WDR3: variants seen among roughly 807,000 people sequenced by gnomAD.
WDR3 encodes WD repeat domain 3.
Under a neutral mutation model 123.7 loss-of-function variants are expected in WDR3, and 81 were observed. The observed-to-expected ratio is 0.65, with a 90% CI of 0.55 to 0.79. The LOEUF (loss-of-function observed/expected upper bound fraction) is 0.79. WDR3 is among the 30% of genes least tolerant of loss of function. The probability of loss-of-function intolerance (pLI) is 0.00; values close to 1 mark genes in which losing one functional copy is unlikely to be tolerated. For missense variants in WDR3, 1,027 were observed against 1,123.2 expected (o/e 0.91, Z 1.22); for synonymous variants, 390 against 388.8 (o/e 1.00, Z -0.04).
At chr1:117,955,280 G>A in intron 23 of WDR3, 35 bp from the exon 24 acceptor site, 1 of 1,571,472 alleles carries the variant, frequency 6.4e-7, no homozygotes, top group Non-Finnish European at 8.7e-7. Context: ...AACCAACCAA[G>A]AGTATCACTA....
chr1:117,952,985 G>C lies in WDR3; in HGVS notation c.2191G>C (p.Asp731His). 1.9e-6 allele frequency: 3 copies of C among 1,613,076 alleles called. No individual in the cohort carries two copies. Among genetic ancestry groups the C allele is most frequent in the Non-Finnish European group, 2.5e-6 (3 of 1,179,340 alleles). ...AEYEESVAKEDQPAVPGETQG... is the reference protein window; with the variant it reads ...AEYEESVAKEHQPAVPGETQG... ...ATATGAGGAGAGTGTGGCCAAAGAA[G>C]ACCAACCAGCAGTAAGTAAATTTTG... is the stretch of plus-strand genomic sequence containing the variant. The change falls in exon 20 of 27, where the codon GAC becomes CAC. Residue 731 changes from aspartate (D) to histidine (H), a missense_variant. Asp to His is a moderately conservative substitution (Grantham distance 81). Coordinates refer to ENST00000349139, the MANE Select transcript of WDR3 (RefSeq NM_006784.3).
intron 15 of WDR3, among the ~76,000 whole-genome samples, chr1:117,950,626 A>G (rs1651575466): frequency 6.6e-6 from 1 of 152,168 alleles, no homozygotes; most frequent in Non-Finnish European, 1.5e-5. Context: ...CCTTGCCTCC[A>G]CTATACTGCA....
In WDR3 at chr1:117,936,892, A is replaced by T; in HGVS notation, c.500+5A>T. 6.2e-7 allele frequency: 1 copy of T among 1,602,458 alleles called. No homozygotes were observed. Among genetic ancestry groups the T allele is most frequent in the South Asian group, 1.1e-5 (1 of 89,540 alleles). ...AAAGAACCTGCTAGTTACTAGGTAA[A>T]GAAATAATGGTTTAATTTCCAGTTA... On this transcript the variant is annotated splice_donor_5th_base_variant and intron_variant, in intron 4 of 26. Transcript: ENST00000349139.
At chr1:117,955,919 C>A (rs1051900726) in intron 24 of WDR3, among the ~76,000 whole-genome samples, 1 of 152,122 alleles carries the variant, frequency 6.6e-6, no homozygotes, top group Non-Finnish European at 1.5e-5. Flanking sequence ...TCTTAAGAGT[C>A]CTAGCAGCCT....
chr1:117,935,164 A>C (rs1362702702), intron 3 of WDR3, among the ~76,000 whole-genome samples: 1 of 152,224 alleles, frequency 6.6e-6, no homozygotes, highest in Non-Finnish European at 1.5e-5. Context: ...TTATAGAGAT[A>C]TAATCCATGT....
rs190069748 is a variant in WDR3, at chr1:117,949,695, A to G, written c.1525-56A>G. 7 of 1,566,094 alleles carry G rather than the reference A, an allele frequency of 4.5e-6. No homozygotes were observed. The East Asian group carries it at 1.6e-4, about 35-fold the overall frequency. ...TCTTAGACTTTTAAAATGTATCTTC[A>G]TAGCAAAGTTTTTATGCTAAAATAG... is the stretch of plus-strand genomic sequence containing the variant. On this transcript the variant is annotated intron_variant, in intron 13 of 26. Transcript: ENST00000349139.
intron 24 of WDR3, 150 bp from the exon 25 acceptor site, chr1:117,956,918 A>G (rs367579371): frequency 5.2e-6 from 3 of 578,518 alleles, no homozygotes; most frequent in African/African-American, 1.9e-5. Context: ...AAAGAGAGTC[A>G]TCTAGCTTAC....
chr1:117,963,669 A>G lies in WDR3; in HGVS notation c.*4222A>G, dbSNP rs1653416668. On this transcript the variant is annotated 3_prime_UTR_variant, in exon 27 of 27. Transcript: ENST00000349139. ...GTGAGCCACCGGGCCCGGCCTAAAC[A>G]AATATTTTCATTCATTCAGGCCAGG... The G allele has an allele frequency of 3.4e-6, 3 of 877,314 alleles. No individual in the cohort carries two copies. Among genetic ancestry groups the G allele is most frequent in the Admixed American group, 2.9e-5 (1 of 34,138 alleles). 54.3% of individuals were successfully genotyped at this position (877,314 alleles called of 1,614,324 possible). A position where few individuals can be genotyped will look rare whatever the true frequency, so the allele number is the denominator to read the frequency against.
At chr1:117,932,931 A>T (rs1571007056) in intron 1 of WDR3, among the ~76,000 whole-genome samples, 1 of 152,068 alleles carries the variant, frequency 6.6e-6, no homozygotes, top group East Asian at 1.9e-4. Context: ...GCAGTGGCTA[A>T]CACCTGTAAT....
rs1204527598 is a variant in WDR3 at position 117,952,512 on chromosome 1, T to TA, written c.2017-16_2017-15insA. ...TCAATGAATGAGGTATTCTTTATTT[T>TA]TTTTTTCTCCTCCAGGGTCATCACC... On this transcript the variant is annotated splice_polypyrimidine_tract_variant and intron_variant, in intron 18 of 26. Transcript: ENST00000349139. The TA allele has an allele frequency of 3.6e-5, 57 of 1,597,322 alleles. No homozygotes were observed. Among genetic ancestry groups the TA allele is most frequent in the Non-Finnish European group, 4.8e-5 (56 of 1,175,002 alleles).
Position 117,952,071 on chromosome 1 carries a change from T to G in WDR3, c.1899T>G (p.Asp633Glu), listed in dbSNP as rs774410011. ...GCCACAAGTCTCTCTTTGCACATGATGACAGGTATGTATAGTCTTTTCAAA... is the reference window on the plus strand; with the variant it reads ...GCCACAAGTCTCTCTTTGCACATGAGGACAGGTATGTATAGTCTTTTCAAA... ...GDCHKSLFAH[D>E]DSVMYLQFVP... Residue 633 changes from aspartate (D) to glutamate (E), a missense_variant, in exon 17 of 27, where the codon GAT (aspartate) becomes GAG (glutamate). Transcript: ENST00000349139. 5.6e-6 allele frequency: 9 copies of G among 1,613,156 alleles called. No individual in the cohort carries two copies. In the South Asian group the frequency reaches 8.8e-5, roughly 16 times the overall value.
rs1440112185 is a variant in WDR3 at position 117,933,297 on chromosome 1, C to T, written c.-23C>T. The T allele has an allele frequency of 6.2e-7, 1 of 1,612,560 alleles. No homozygotes were observed. The highest frequency in any genetic ancestry group is 8.5e-7 in the Non-Finnish European group (1 of 1,178,846). On this transcript the variant is annotated 5_prime_UTR_variant, in exon 2 of 27. Transcript: ENST00000349139. ...TTGTTTATATGCACAGATTGCTTCA[C>T]CTGTGGTATCAGACATCACAACATG... is the stretch of plus-strand genomic sequence containing the variant.
intron 13 of WDR3, among the ~76,000 whole-genome samples, chr1:117,949,434 A>G (rs1651520472): frequency 6.6e-6 from 1 of 152,208 alleles, no homozygotes; most frequent in African/African-American, 2.4e-5. Context: ...ACAAATCTAG[A>G]TTATCCATTC....
Position 117,934,556 on chromosome 1 carries a change from G to A in WDR3, c.255G>A (p.Glu85=). The A allele has an allele frequency of 6.2e-7, 1 of 1,614,186 alleles. No individual in the cohort carries two copies. The highest frequency in any genetic ancestry group is 1.3e-5 in the African/African-American group (1 of 75,064). Residue 85 remains glutamate, a synonymous_variant, in exon 3 of 27, where the codon GAG becomes GAA. Transcript: ENST00000349139. ...GGCTACACTTAGCTGTTGGGTATGAGGATGGGTCGATCCGAATCTTCAGTC... is the reference window on the plus strand; with the variant it reads ...GGCTACACTTAGCTGTTGGGTATGAAGATGGGTCGATCCGAATCTTCAGTC... The part of the protein sequence containing the change: ...PDGLHLAVGY[E]DGSIRIFSLL...
rs1240782350 is a variant in WDR3 at position 117,962,179 on chromosome 1, C to G, written c.*2732C>G. ...ATGTTTCTGTCTGCTAAGTGTTATA[C>G]TAATCGAAGAGAAGGAGAACTTTTA... is the stretch of plus-strand genomic sequence containing the variant. On this transcript the variant is annotated 3_prime_UTR_variant, in exon 27 of 27. Coordinates refer to ENST00000349139, the MANE Select transcript of WDR3 (RefSeq NM_006784.3). 1 of 152,094 alleles carries G rather than the reference C, an allele frequency of 6.6e-6. No homozygotes were observed. The highest frequency in any genetic ancestry group is 1.5e-5 in the Non-Finnish European group (1 of 68,018). The allele number at this position is 152,094 out of a possible 1,614,324, so 9.4% of individuals were successfully genotyped here.
Position 117,955,307 on chromosome 1 carries a change from C to A in WDR3, c.2410-8C>A. 1 of 1,610,136 alleles carries A rather than the reference C, an allele frequency of 6.2e-7. No homozygotes were observed. The highest frequency in any genetic ancestry group is 2.2e-5 in the East Asian group (1 of 44,740). On this transcript the variant is annotated splice_polypyrimidine_tract_variant and splice_region_variant and intron_variant, in intron 23 of 26. Coordinates refer to ENST00000349139, the MANE Select transcript of WDR3 (RefSeq NM_006784.3). ...GTATCACTAATGGTATTAATCCTTC[C>A]TTTATAGCCTTCAGCTTATGTATTA...
Position 117,959,404 on chromosome 1 carries a change from G to A in WDR3, c.2789G>A (p.Arg930Lys). The A allele has an allele frequency of 6.2e-7, 1 of 1,612,624 alleles. No individual in the cohort carries two copies. Residue 930 changes from arginine (R) to lysine (K), a missense_variant, in exon 27 of 27, where the codon AGG becomes AAG. By Grantham distance (26) the Arg-to-Lys change is conservative (BLOSUM62 2). Coordinates refer to ENST00000349139, the MANE Select transcript of WDR3 (RefSeq NM_006784.3). ...DATSHLEEKK[R>K]KRKKREKLIL... is the part of the protein sequence containing the mutation. Reference sequence around the variant, plus strand: ...ACTAGCCACTTGGAAGAGAAGAAGAGGAAGAGGAAAAAGAGGGAGAAGTTG... The same window carrying A: ...ACTAGCCACTTGGAAGAGAAGAAGAAGAAGAGGAAAAAGAGGGAGAAGTTG...
chr1:117,941,148 G>A lies in WDR3; in HGVS notation c.814G>A (p.Gly272Ser), dbSNP rs1317325495. The A allele has an allele frequency of 1.2e-6, 2 of 1,614,142 alleles. No individual in the cohort carries two copies. Among genetic ancestry groups the A allele is most frequent in the Middle Eastern group, 1.6e-4 (1 of 6,062 alleles). The change falls in exon 8 of 27, where the codon GGT becomes AGT. Residue 272 changes from glycine (G) to serine (S), a missense_variant. Physicochemically the swap from Gly to Ser is moderately conservative, Grantham distance 56. Transcript: ENST00000349139. Reference protein sequence around the residue: ...EDRILSCRKAGSIMREGRDRV... With the variant: ...EDRILSCRKASSIMREGRDRV... ...GCGAATCCTTTCATGCAGAAAAGCT[G>A]GTTCCATAATGCGGGAAGGAAGAGA...
At chr1:117,932,866 A>G (rs116475982) in intron 1 of WDR3, among the ~76,000 whole-genome samples, 52 of 152,180 alleles carry the variant, frequency 3.4e-4, no homozygotes, top group Non-Finnish European at 7.1e-4. Context: ...AAAGATTAAG[A>G]AGTCACAAGT....
Sources: gnomAD v4.1 joint callset for allele counts (sites outside exome capture counted in the v4.1 genomes callset) on GRCh38, gnomAD v4.1.1 for gene constraint, MANE v1.5 for transcripts, NCBI Gene and HGNC (gene_info 2026-07-23, HGNC 2026-07-21) for gene names.